Variants in RAI2 observed in about 807,000 individuals in gnomAD.
RAI2 encodes the protein retinoic acid induced 2.
A neutral mutation model predicts 15.3 loss-of-function variants in RAI2; 5 were observed. The ratio of observed to expected loss-of-function variants is 0.33; its 90% CI spans 0.17 to 0.69. The LOEUF (loss-of-function observed/expected upper bound fraction) is 0.69, where lower values mean the gene tolerates loss of function less well. Among genes scored for constraint, RAI2 ranks in the 30% least tolerant of loss-of-function variants. RAI2 has a pLI of 0.69. For missense variants in RAI2, 424 were observed against 424.7 expected (o/e 1.00, Z 0.01); for synonymous variants, 191 against 184.0 (o/e 1.04, Z -0.31).
intron 1 of RAI2, among the ~76,000 whole-genome samples, chrX:17,817,972 T>C (rs111256704): frequency 0.018 from 1,995 of 112,157 alleles, 28 homozygotes; most frequent in Non-Finnish European, 0.029. Flanking sequence ...CCTCCTGCAC[T>C]GGGTTCTTCT....
intron 1 of RAI2, among the ~76,000 whole-genome samples, chrX:17,823,367 A>G (rs774282633): frequency 8.9e-6 from 1 of 112,402 alleles, no homozygotes; most frequent in Non-Finnish European, 1.9e-5. Flanking sequence ...TATATTTGAA[A>G]CTATAAATAA....
intron 1 of RAI2, among the ~76,000 whole-genome samples, chrX:17,846,284 T>C (rs747597307): frequency 9.0e-6 from 1 of 111,328 alleles, no homozygotes; most frequent in South Asian, 3.9e-4. Context: ...CCCAGGACTG[T>C]CCGAGTTTTA....
intron 1 of RAI2, among the ~76,000 whole-genome samples, chrX:17,853,849 C>T (rs182166960): frequency 6.6e-4 from 73 of 110,826 alleles, no homozygotes; most frequent in African/African-American, 2.3e-3. Flanking sequence ...ATTTTAAATG[C>T]ATATTTCATC....
At chrX:17,847,315 T>C (rs1423163995) in intron 1 of RAI2, among the ~76,000 whole-genome samples, 1 of 111,489 alleles carries the variant, frequency 9.0e-6, no homozygotes, top group African/African-American at 3.3e-5. Context: ...TGGTCTTCAT[T>C]CCCTCCACCG....
At chrX:17,835,926 A>G (rs369272398) in intron 1 of RAI2, among the ~76,000 whole-genome samples, 3 of 112,259 alleles carry the variant, frequency 2.7e-5, no homozygotes, top group African/African-American at 9.7e-5. Context: ...AATCAAAACT[A>G]TTTAACTTTA....
chrX:17,850,259 TG>T (rs1309133122), intron 1 of RAI2, among the ~76,000 whole-genome samples: 3 of 112,044 alleles, frequency 2.7e-5, no homozygotes, highest in Non-Finnish European at 5.6e-5. Context: ...GAACGGCAGC[TG>T]GGGGAGCAAT....
intron 1 of RAI2, among the ~76,000 whole-genome samples, chrX:17,808,037 T>C (rs985938103): frequency 3.6e-5 from 4 of 112,223 alleles, no homozygotes; most frequent in African/African-American, 1.3e-4. Flanking sequence ...CGGCTTTGAA[T>C]GCGGCCCACA....
chrX:17,816,558 C>G (rs185045358), intron 1 of RAI2, among the ~76,000 whole-genome samples: 157 of 112,490 alleles, frequency 1.4e-3, no homozygotes, highest in African/African-American at 4.1e-3. Flanking sequence ...CTTGGCCCAG[C>G]CCTGCTTGGA....
chrX:17,818,810 G>A (rs1489154943), intron 1 of RAI2, among the ~76,000 whole-genome samples: 5 of 112,485 alleles, frequency 4.4e-5, no homozygotes, highest in Non-Finnish European at 7.5e-5. Flanking sequence ...ATTCTGCCTC[G>A]GAAATGTTGT....
chrX:17,801,222 A>G lies in RAI2; in HGVS notation c.789T>C (p.Ser263=). 8.3e-7 allele frequency: 1 copy of G among 1,209,974 alleles called. No homozygotes were observed. Among genetic ancestry groups the G allele is most frequent in the African/African-American group, 1.7e-5 (1 of 57,477 alleles). ...PQSSESKFSS[S]FPKPPSSFGL... is the part of the protein sequence containing the mutation. ...CGAAGGAAGATGGTGGCTTGGGGAA[A>G]CTGGAGCTGAACTTGGATTCAGAAC... is the stretch of plus-strand genomic sequence containing the variant. The change falls in exon 2 of 2, where the codon AGT becomes AGC. Residue 263 remains serine (S), a synonymous_variant. Transcript: ENST00000451717.
intron 1 of RAI2, among the ~76,000 whole-genome samples, chrX:17,850,395 G>A (rs1222198981): frequency 8.9e-6 from 1 of 112,506 alleles, no homozygotes; most frequent in Non-Finnish European, 1.9e-5. Flanking sequence ...CACGAGAACC[G>A]GCAATGGCGC....
In RAI2 at chrX:17,849,120, A is replaced by C. The variant is rs146080438; in HGVS notation, c.-25+11978T>G. Among the ~76,000 whole-genome samples the C allele has an allele frequency of 3.3e-3, 371 of 112,487 alleles. 3 individuals carry two copies. Among genetic ancestry groups the C allele is most frequent in the East Asian group, 0.027 (96 of 3,567 alleles). The stretch of plus-strand genomic sequence containing the variant: ...TGAGGTACAGAGGCAATTCTAATGC[A>C]CACTTGCCCTTGAGAACTGCTGGCT... On this transcript the variant is annotated intron_variant, in intron 1 of 1. Transcript: ENST00000451717.
At chrX:17,807,279 C>T (rs2066991226) in intron 1 of RAI2, among the ~76,000 whole-genome samples, 1 of 111,709 alleles carries the variant, frequency 9.0e-6, no homozygotes, top group Non-Finnish European at 1.9e-5. Flanking sequence ...TTGTCTAGTC[C>T]TGACTCTGCC....
At chrX:17,852,915 T>C (rs1202721036) in intron 1 of RAI2, among the ~76,000 whole-genome samples, 1 of 110,613 alleles carries the variant, frequency 9.0e-6, no homozygotes, top group African/African-American at 3.3e-5. Context: ...ACATGGAATT[T>C]AGTGGTGGGT....
At chrX:17,821,568 AAGAGAGAGAG>A (rs377257611) in intron 1 of RAI2, among the ~76,000 whole-genome samples, 2,284 of 106,813 alleles carry the variant, frequency 0.021, 28 homozygotes, top group Non-Finnish European at 0.033. Flanking sequence ...GTGTGTGTGT[AAGAGAGAGAG>A]AGAGAGACCG....
At chrX:17,803,783 G>A (rs754155578) in intron 1 of RAI2, among the ~76,000 whole-genome samples, 2 of 111,089 alleles carry the variant, frequency 1.8e-5, no homozygotes, top group South Asian at 7.8e-4. Context: ...AAGCCATGAG[G>A]TGACCCAGCA....
intron 1 of RAI2, among the ~76,000 whole-genome samples, chrX:17,818,863 G>A (rs911328125): frequency 2.7e-5 from 3 of 112,957 alleles, no homozygotes; most frequent in African/African-American, 9.6e-5. Flanking sequence ...AGGACAAGCC[G>A]GCTGGGACTC....
chrX:17,800,641 C>G lies in RAI2; in HGVS notation c.1370G>C (p.Gly457Ala). 8.3e-7 allele frequency: 1 copy of G among 1,211,512 alleles called. No homozygotes were observed. ...VPTIFCGKIKGLSGVSTKNFS... is the reference protein window; with the variant it reads ...VPTIFCGKIKALSGVSTKNFS... ...GTTTTTGGTGGACACCCCTGAGAGG[C>G]CTTTGATCTTGCCACAGAATATGGT... is the stretch of plus-strand genomic sequence containing the variant. Residue 457 changes from glycine (G) to alanine (A), a missense_variant, in exon 2 of 2, where the codon GGC (glycine) becomes GCC (alanine). Transcript: ENST00000451717.
chrX:17,813,797 T>C (rs1039961667), intron 1 of RAI2, among the ~76,000 whole-genome samples: 2 of 111,699 alleles, frequency 1.8e-5, no homozygotes, highest in Non-Finnish European at 3.8e-5. Context: ...GAAACGCTGG[T>C]TTCTGTCTTA....
Sources: gnomAD v4.1 joint callset for allele counts (sites outside exome capture counted in the v4.1 genomes callset) on GRCh38, gnomAD v4.1.1 for gene constraint, MANE v1.5 for transcripts, NCBI Gene and HGNC (gene_info 2026-07-23, HGNC 2026-07-21) for gene names.